The following ARHGEF11 variants were observed in gnomAD, a reference collection of about 807,000 sequenced individuals.
The protein encoded by ARHGEF11 is Rho guanine exchange factor (GEF) 11.
ARHGEF11 carries 55 observed loss-of-function variants against 193.7 expected under a neutral mutation model. That is an observed-to-expected ratio of 0.28 (90% CI 0.23 to 0.36). The LOEUF is 0.36. Ranked by LOEUF, ARHGEF11 falls within the 10% of genes least tolerant of loss-of-function variation. ARHGEF11 has a pLI of 1.00. For missense variants in ARHGEF11, 1,723 were observed against 2,005.6 expected (o/e 0.86, Z 2.69); for synonymous variants, 693 against 768.0 (o/e 0.90, Z 1.62).
intron 1 of ARHGEF11, among the ~76,000 whole-genome samples, chr1:157,023,052 A>T (rs1670189598): frequency 6.6e-6 from 1 of 152,256 alleles, no homozygotes; most frequent in African/African-American, 2.4e-5. Flanking sequence ...TCTTAGAAGA[A>T]ACATGAGAGT....
At chr1:156,976,338 T>C (rs966990292) in intron 7 of ARHGEF11, among the ~76,000 whole-genome samples, 2 of 152,080 alleles carry the variant, frequency 1.3e-5, no homozygotes, top group Admixed American at 1.3e-4. Context: ...ATTAATTAAT[T>C]TTTCTCTTCT....
intron 7 of ARHGEF11, among the ~76,000 whole-genome samples, chr1:156,975,308 T>C (rs181988733): frequency 1.1e-3 from 166 of 152,366 alleles, no homozygotes; most frequent in South Asian, 3.3e-3. Flanking sequence ...TGAATAACAA[T>C]GCTGGGCATC....
At chr1:157,019,666 C>T (rs1669713886) in intron 1 of ARHGEF11, among the ~76,000 whole-genome samples, 1 of 152,152 alleles carries the variant, frequency 6.6e-6, no homozygotes, top group South Asian at 2.1e-4. Flanking sequence ...AAATGGAATA[C>T]TACTCAGCAA....
chr1:156,970,112 A>C, intron 8 of ARHGEF11, 69 bp from the exon 9 acceptor site: 1 of 1,392,822 alleles, frequency 7.2e-7, no homozygotes, highest in East Asian at 2.3e-5. Context: ...TCTTTCACCA[A>C]TCAGTGCCTT....
intron 8 of ARHGEF11, among the ~76,000 whole-genome samples, chr1:156,971,470 T>C (rs1662474477): frequency 6.6e-6 from 1 of 152,248 alleles, no homozygotes; most frequent in African/African-American, 2.4e-5. Context: ...CCTATGTTGT[T>C]GGAGGGCAAG....
chr1:156,993,474 C>T (rs1233672356), intron 1 of ARHGEF11, among the ~76,000 whole-genome samples: 1 of 152,116 alleles, frequency 6.6e-6, no homozygotes, highest in Non-Finnish European at 1.5e-5. Flanking sequence ...AAAAAGCACA[C>T]TATACACAGG....
intron 1 of ARHGEF11, among the ~76,000 whole-genome samples, chr1:157,021,254 T>C (rs1322132400): frequency 6.6e-6 from 1 of 152,174 alleles, no homozygotes; most frequent in African/African-American, 2.4e-5. Flanking sequence ...GTGGGCACTA[T>C]AGACATGCAT....
At position 156,948,452 on chromosome 1, in the gene ARHGEF11, G is replaced by A. The variant is rs781203680; in HGVS notation, c.1972C>T (p.Arg658Trp). 13 of 1,614,080 alleles carry A rather than the reference G, an allele frequency of 8.1e-6. No homozygotes were observed. The highest frequency in any genetic ancestry group is 6.7e-5 in the East Asian group (3 of 44,902). Residue 658 changes from arginine to tryptophan, a missense_variant, in exon 23 of 41, where the codon CGG (arginine) becomes TGG (tryptophan). By Grantham distance (101) the Arg-to-Trp change is moderately radical. This residue lies in a region of ARHGEF11 where 491 missense variants were observed against 654.5 expected (regional missense o/e 0.75). Coordinates refer to ENST00000368194, the MANE Select transcript of ARHGEF11 (RefSeq NM_198236.3). The surrounding 1 kb of genome is among the most constrained non-coding windows in gnomAD (Gnocchi z 4.2). ...RLGRSESLKG[R>W]EEMKRSRKAE... ...TTTCGAGACCGTTTCATCTCTTCCC[G>A]GCCCTTGAGGCTTTCAGAGCGGCCC...
At chr1:157,019,043 G>A (rs1669640305) in intron 1 of ARHGEF11, among the ~76,000 whole-genome samples, 1 of 152,176 alleles carries the variant, frequency 6.6e-6, no homozygotes, top group Admixed American at 6.5e-5. Context: ...GAAGAAAACA[G>A]AGGAGGAAAA....
Position 156,946,653 on chromosome 1 carries a change from A to G in ARHGEF11, c.2694+9T>C, listed in dbSNP as rs1658187787. ...ATGAAGGAAGGCCAAGGCATGGCCA[A>G]GGACGCACCTGCATGAAGAGCTGGA... On this transcript the variant is annotated intron_variant, in intron 28 of 40. Transcript: ENST00000368194. 7 of 1,612,638 alleles carry G rather than the reference A, an allele frequency of 4.3e-6. No individual in the cohort carries two copies. Among genetic ancestry groups the G allele is most frequent in the Non-Finnish European group, 5.9e-6 (7 of 1,179,240 alleles).
intron 40 of ARHGEF11, among the ~76,000 whole-genome samples, chr1:156,936,480 GAAA>G (rs35863393): frequency 1.5e-3 from 70 of 48,016 alleles, no homozygotes; most frequent in Admixed American, 6.0e-3. Context: ...CAAATAAATA[GAAA>G]AAAAAAAAAA....
At chr1:156,965,595 C>T (rs1387676309) in intron 11 of ARHGEF11, among the ~76,000 whole-genome samples, 1 of 152,206 alleles carries the variant, frequency 6.6e-6, no homozygotes, top group Non-Finnish European at 1.5e-5. Context: ...TTCCCCTCCA[C>T]ATTGTAAGAA....
intron 40 of ARHGEF11, among the ~76,000 whole-genome samples, chr1:156,936,482 A>AAAAAAAAAAAT (rs1655176531): frequency 1.5e-5 from 1 of 65,688 alleles, no homozygotes; most frequent in African/African-American, 7.0e-5. Flanking sequence ...AATAAATAGA[A>AAAAAAAAAAAT]AAAAAAAAAA....
rs774763108 is a variant in ARHGEF11 at position 156,957,783 on chromosome 1, C to T, written c.1526+9G>A. 1.5e-5 allele frequency: 25 copies of T among 1,613,926 alleles called. No individual in the cohort carries two copies. The highest frequency in any genetic ancestry group is 1.9e-5 in the Non-Finnish European group (23 of 1,179,894). ...GAAAGCTGCAAATCCACATCATAGACTTGCTTACCTCCTGTCTTCCTCATA... is the reference window on the plus strand; with the variant it reads ...GAAAGCTGCAAATCCACATCATAGATTTGCTTACCTCCTGTCTTCCTCATA... On this transcript the variant is annotated intron_variant, in intron 18 of 40. Coordinates refer to ENST00000368194, the MANE Select transcript of ARHGEF11 (RefSeq NM_198236.3).
At chr1:156,974,622 C>T (rs537299155) in intron 7 of ARHGEF11, among the ~76,000 whole-genome samples, 8 of 152,184 alleles carry the variant, frequency 5.3e-5, no homozygotes, top group Non-Finnish European at 7.3e-5. Context: ...AGAACATTTC[C>T]GTAACTCCAA....
In ARHGEF11 at chr1:156,948,479, G is replaced by C; in HGVS notation, c.1945C>G (p.Leu649Val). Residue 649 changes from leucine to valine, a missense_variant, in exon 23 of 41, where the codon CTG (leucine) becomes GTG (valine). By Grantham distance (32) the Leu-to-Val change is conservative (BLOSUM62 1). Around this residue, in one of 5 missense-constraint regions of ARHGEF11, gnomAD observed 491 missense variants for 654.5 expected, o/e 0.75. Transcript: ENST00000368194. The surrounding 1 kb of genome is among the most constrained non-coding windows in gnomAD (Gnocchi z 4.2). ...ESDSSRSEIR[L>V]GRSESLKGRE... Reference sequence around the variant, plus strand: ...CCCTTGAGGCTTTCAGAGCGGCCCAGGCGAATCTCTGAGCGTGAACTGGGG... The same window carrying C: ...CCCTTGAGGCTTTCAGAGCGGCCCACGCGAATCTCTGAGCGTGAACTGGGG... 1 of 1,614,218 alleles carries C rather than the reference G, an allele frequency of 6.2e-7. No individual in the cohort carries two copies. The highest frequency in any genetic ancestry group is 8.5e-7 in the Non-Finnish European group (1 of 1,180,032).
At chr1:156,973,660 C>T (rs956144200) in intron 7 of ARHGEF11, among the ~76,000 whole-genome samples, 1 of 152,150 alleles carries the variant, frequency 6.6e-6, no homozygotes, top group Non-Finnish European at 1.5e-5. Flanking sequence ...ATTTCCTTCC[C>T]CTAAGCTCTG....
chr1:156,936,495 AAAATATATATATATAT>A (rs1655259063), intron 40 of ARHGEF11, among the ~76,000 whole-genome samples: 2 of 57,094 alleles, frequency 3.5e-5, no homozygotes, highest in African/African-American at 8.1e-5. Context: ...AAAAAAAAAA[AAAATATATATATATAT>A]ATATATATAT....
At chr1:156,937,180 C>G (rs1655603914) in intron 39 of ARHGEF11, 69 bp downstream of exon 39, 1 of 1,602,812 alleles carries the variant, frequency 6.2e-7, no homozygotes, top group African/African-American at 1.3e-5. Flanking sequence ...ACACACATCT[C>G]ACTCATGGGG....
Sources: gnomAD v4.1 joint callset for allele counts (sites outside exome capture counted in the v4.1 genomes callset) on GRCh38, gnomAD v4.1.1 for gene constraint, gnomAD v4.1.1 regional missense constraint, Gnocchi (gnomAD v3.1) non-coding constraint, MANE v1.5 for transcripts, NCBI Gene and HGNC (gene_info 2026-07-23, HGNC 2026-07-21) for gene names.